EML3: variants seen among roughly 807,000 people sequenced by gnomAD.
The protein encoded by EML3 is EMAP like 3.
EML3 carries 53 observed loss-of-function variants against 106.7 expected under a neutral mutation model. The observed-to-expected ratio is 0.50, with a 90% CI of 0.40 to 0.62. EML3 has a LOEUF of 0.62. Ranked by LOEUF, EML3 falls within the 20% of genes least tolerant of loss-of-function variation. The pLI, the probability that EML3 is intolerant of heterozygous loss-of-function variation, is 0.00. For synonymous variants in EML3, 499 were observed against 489.6 expected, an observed-to-expected ratio of 1.02 and a Z score of -0.25; for missense variants, 994 against 1,209.1, an observed-to-expected ratio of 0.82 and a Z score of 2.64.
chr11:62,602,992 G>C lies in EML3; in HGVS notation c.2357-103C>G, dbSNP rs532039602. On this transcript the variant is annotated intron_variant, in intron 20 of 21. Coordinates refer to ENST00000394773, the MANE Select transcript of EML3 (RefSeq NM_153265.3). Reference sequence around the variant, plus strand: ...CCGGCAGCCGCGGCCACCCACTGCCGCGTTCCAGGCAAGCCTTCCCGGTCC... The same window carrying C: ...CCGGCAGCCGCGGCCACCCACTGCCCCGTTCCAGGCAAGCCTTCCCGGTCC... The C allele has an allele frequency of 3.0e-5, 45 of 1,476,168 alleles. No homozygotes were observed. In the East Asian group the frequency reaches 1.0e-3, roughly 34 times the overall value. 91.4% of individuals were successfully genotyped at this position (1,476,168 alleles called of 1,614,324 possible). A position where few individuals can be genotyped will look rare whatever the true frequency, so the allele number is the denominator to read the frequency against.
At chr11:62,604,458 A>G (rs1460775137) in intron 16 of EML3, among the ~76,000 whole-genome samples, 1 of 151,052 alleles carries the variant, frequency 6.6e-6, no homozygotes, top group Non-Finnish European at 1.5e-5. Context: ...TCTCAACGCA[A>G]CCTCCACCTC....
Position 62,608,193 on chromosome 11 carries a change from C to G in EML3, c.1206+8G>C. On this transcript the variant is annotated splice_region_variant and intron_variant, in intron 10 of 21. Transcript: ENST00000394773. ...TCAGAGCCCCTCCAAGCCACATGGA[C>G]TCCTCACCTTGATCTCAGCCAGCTT... The G allele has an allele frequency of 6.2e-7, 1 of 1,613,752 alleles. No homozygotes were observed. The highest frequency in any genetic ancestry group is 1.1e-5 in the South Asian group (1 of 91,080).
At position 62,605,098 on chromosome 11, in the gene EML3, C is replaced by T. The variant is rs749506063; in HGVS notation, c.1982+15G>A. 1 of 1,609,248 alleles carries T rather than the reference C, an allele frequency of 6.2e-7. No individual in the cohort carries two copies. Among genetic ancestry groups the T allele is most frequent in the South Asian group, 1.1e-5 (1 of 90,534 alleles). On this transcript the variant is annotated intron_variant, in intron 16 of 21. Transcript: ENST00000394773. This position sits in a 1 kb window ranked among gnomAD's most constrained non-coding sequence, Gnocchi z 5.2. ...CTCCCTGCTTTCCCTCCTGGGAGTC[C>T]TGGCTCTCTCTCACCTCCCCGTGTT...
Position 62,611,714 on chromosome 11 carries a change from C to T in EML3, c.23-118G>A, listed in dbSNP as rs189332869. ...GTAGGACTGCCCCTTTCAGGCAGCCCCAGGCTTGAATGCTCGTCCAGAGGG... is the reference window on the plus strand; with the variant it reads ...GTAGGACTGCCCCTTTCAGGCAGCCTCAGGCTTGAATGCTCGTCCAGAGGG... On this transcript the variant is annotated intron_variant, in intron 1 of 21. Transcript: ENST00000394773. 1,277 of 1,226,026 alleles carry T rather than the reference C, an allele frequency of 1.0e-3. 12 individuals are homozygous for T. In the Middle Eastern group the frequency reaches 0.018, roughly 17 times the overall value. 75.9% of individuals were successfully genotyped at this position (1,226,026 alleles called of 1,614,324 possible).
intron 9 of EML3, 80 bp downstream of exon 9, chr11:62,608,462 C>T (rs774977293): frequency 1.3e-6 from 2 of 1,487,640 alleles, no homozygotes; most frequent in East Asian, 2.3e-5. Context: ...AAGGCCAGAA[C>T]TTCCAAGGCT....
intron 1 of EML3, 73 bp downstream of exon 1, chr11:62,612,363 T>C: frequency 6.9e-7 from 1 of 1,446,472 alleles, no homozygotes; most frequent in Non-Finnish European, 9.3e-7. Context: ...CAGACAGCCG[T>C]CCAGCTCTGG....
chr11:62,605,790 C>T lies in EML3; in HGVS notation c.1783-17G>A. On this transcript the variant is annotated splice_polypyrimidine_tract_variant and intron_variant, in intron 14 of 21. Coordinates refer to ENST00000394773, the MANE Select transcript of EML3 (RefSeq NM_153265.3). This position sits in a 1 kb window ranked among gnomAD's most constrained non-coding sequence, Gnocchi z 5.2. ...AGTGTGGCCCTGCAGCACAGCATGA[C>T]TGTCACTCCTGCCCCTCTCTCACAC... 2 of 1,601,340 alleles carry T rather than the reference C, an allele frequency of 1.2e-6. No homozygotes were observed. Among genetic ancestry groups the T allele is most frequent in the South Asian group, 1.1e-5 (1 of 88,866 alleles).
intron 1 of EML3, chr11:62,612,098 G>A: frequency 2.2e-6 from 1 of 449,758 alleles, no homozygotes; most frequent in Non-Finnish European, 4.0e-6. Flanking sequence ...GAGTGTGAGT[G>A]GTGAGCAGAG....
chr11:62,603,000 G>C, intron 20 of EML3, 111 bp from the exon 21 acceptor site: 1 of 1,481,762 alleles, frequency 6.7e-7, no homozygotes, highest in East Asian at 2.4e-5. Context: ...CCGCGTTCCA[G>C]GCAAGCCTTC....
rs370198802 is a variant in EML3 at position 62,604,070 on chromosome 11, G to C, written c.2072-29C>G. On this transcript the variant is annotated intron_variant, in intron 17 of 21. Coordinates refer to ENST00000394773, the MANE Select transcript of EML3 (RefSeq NM_153265.3). ...CAAATACAGTCACTCAGAGAGGGAAGGGCCAGGGACGCATGTGAGTCCAGG... is the reference window on the plus strand; with the variant it reads ...CAAATACAGTCACTCAGAGAGGGAACGGCCAGGGACGCATGTGAGTCCAGG... 2.5e-6 allele frequency: 4 copies of C among 1,613,962 alleles called. No homozygotes were observed. The African/African-American group carries it at 5.3e-5, about 22-fold the overall frequency.
chr11:62,605,059 A>G lies in EML3; in HGVS notation c.1982+54T>C. On this transcript the variant is annotated intron_variant, in intron 16 of 21. Coordinates refer to ENST00000394773, the MANE Select transcript of EML3 (RefSeq NM_153265.3). The surrounding 1 kb of genome is among the most constrained non-coding windows in gnomAD (Gnocchi z 5.2). ...TCTCGCCCACTCCCCCAGTACCAGGAACCCTTCCCAGTCCTCCCTGCTTTC... is the reference window on the plus strand; with the variant it reads ...TCTCGCCCACTCCCCCAGTACCAGGGACCCTTCCCAGTCCTCCCTGCTTTC... 6.4e-7 allele frequency: 1 copy of G among 1,560,848 alleles called. No homozygotes were observed.
intron 1 of EML3, 134 bp from the exon 2 acceptor site, chr11:62,611,730 G>A: frequency 2.9e-6 from 3 of 1,018,506 alleles, no homozygotes; most frequent in Admixed American, 5.9e-5. Flanking sequence ...TTGAATGCTC[G>A]TCCAGAGGGG....
Position 62,602,583 on chromosome 11 carries a change from G to T in EML3, c.2583C>A (p.Asp861Glu). The T allele has an allele frequency of 6.5e-7, 1 of 1,540,998 alleles. No individual in the cohort carries two copies. The highest frequency in any genetic ancestry group is 8.7e-7 in the Non-Finnish European group (1 of 1,144,622). ...DSHLVSLGGK[D>E]ASIFQWRVLG... is the part of the protein sequence containing the mutation. ...GCACTCGCCACTGGAAGATGCTGGC[G>T]TCCTTGCCGCCCAGCGAGACGAGGT... The change falls in exon 22 of 22, where the codon GAC becomes GAA. Residue 861 changes from aspartate (D) to glutamate (E), a missense_variant. This residue lies in a region of EML3 where 713 missense variants were observed against 920.5 expected (regional missense o/e 0.77). Transcript: ENST00000394773.
chr11:62,607,738 G>A lies in EML3; in HGVS notation c.1290C>T (p.His430=). 2.5e-6 allele frequency: 4 copies of A among 1,613,960 alleles called. No homozygotes were observed. The highest frequency in any genetic ancestry group is 3.4e-6 in the Non-Finnish European group (4 of 1,179,984). Residue 430 remains histidine (H), a synonymous_variant, in exon 11 of 22, where the codon CAC becomes CAT. Coordinates refer to ENST00000394773, the MANE Select transcript of EML3 (RefSeq NM_153265.3). The part of the protein sequence containing the change: ...CIVTSGKSHV[H]FWNWSGGVGV... ...CTACTCCACCACTCCAATTCCAGAA[G>A]TGGACGTGAGATTTCCCACTGGTGA...
At position 62,602,320 on chromosome 11, in the gene EML3, G is replaced by A. The variant is rs1590736305; in HGVS notation, c.*155C>T. 2 of 1,551,106 alleles carry A rather than the reference G, an allele frequency of 1.3e-6. No homozygotes were observed. The highest frequency in any genetic ancestry group is 3.9e-5 in the Admixed American group (2 of 51,012). On this transcript the variant is annotated 3_prime_UTR_variant, in exon 22 of 22. Coordinates refer to ENST00000394773, the MANE Select transcript of EML3 (RefSeq NM_153265.3). ...AGCGGGTCTAAACAGTGTGTGCAGG[G>A]GCGCCGTTCGCGCCCTCCAGGAAAA...
chr11:62,611,291 C>T lies in EML3; in HGVS notation c.248G>A (p.Arg83Gln), dbSNP rs750353523. Reference protein sequence around the residue: ...PPTCTPSLVSRGTQTETEVEL... With the variant: ...PPTCTPSLVSQGTQTETEVEL... ...CACCTCTGTCTCCGTCTGGGTGCCT[C>T]GGCTCACCAAGGAAGGGGTGCACGT... The change falls in exon 3 of 22, where the codon CGA (arginine) becomes CAA (glutamine). Residue 83 changes from arginine (R) to glutamine (Q), a missense_variant. Transcript: ENST00000394773. 5 of 1,613,004 alleles carry T rather than the reference C, an allele frequency of 3.1e-6. No homozygotes were observed. The highest frequency in any genetic ancestry group is 1.1e-5 in the South Asian group (1 of 91,084).
chr11:62,611,688 G>T (rs1942837898), intron 1 of EML3, 92 bp from the exon 2 acceptor site: 2 of 1,395,596 alleles, frequency 1.4e-6, no homozygotes, highest in Admixed American at 2.5e-5. Flanking sequence ...ACATGTGTCC[G>T]GTAGGACTGC....
At chr11:62,606,595 G>T (rs907508253) in intron 12 of EML3, among the ~76,000 whole-genome samples, 1 of 152,210 alleles carries the variant, frequency 6.6e-6, no homozygotes, top group African/African-American at 2.4e-5. Flanking sequence ...CGTGGCTCAC[G>T]CCTGTAATCC....
rs1344066767 is a variant in EML3, at chr11:62,603,991, T to G, written c.2122A>C (p.Ser708Arg). Residue 708 changes from serine (S) to arginine (R), a missense_variant, in exon 18 of 22, where the codon AGT becomes CGT. By Grantham distance (110) the Ser-to-Arg change is moderately radical. Transcript: ENST00000394773. Reference protein sequence around the residue: ...GSHDNVIYIYSVSSDGAKSSR... With the variant: ...GSHDNVIYIYRVSSDGAKSSR... ...GATTTGGCACCATCACTGGAAACAC[T>G]ATAGATGTAGATCACGTTGTCATGG... 2.5e-6 allele frequency: 4 copies of G among 1,613,878 alleles called. No individual in the cohort carries two copies. Among genetic ancestry groups the G allele is most frequent in the Non-Finnish European group, 3.4e-6 (4 of 1,180,012 alleles).
Sources: allele counts gnomAD v4.1 joint callset (sites outside exome capture counted in the v4.1 genomes callset), GRCh38; gene constraint gnomAD v4.1.1; regional missense constraint gnomAD v4.1.1; non-coding constraint Gnocchi (gnomAD v3.1); transcripts MANE v1.5; gene names NCBI Gene and HGNC (gene_info 2026-07-23, HGNC 2026-07-21).